MINDY2: variants seen among roughly 807,000 people sequenced by gnomAD.
MINDY2 encodes the protein MINDY lysine 48 deubiquitinase 2.
A neutral mutation model predicts 68.2 loss-of-function variants in MINDY2; 52 were observed. The ratio of observed to expected loss-of-function variants is 0.76; its 90% CI spans 0.61 to 0.96. The LOEUF is 0.96. MINDY2 is among the 40% of genes least tolerant of loss of function. The pLI is 0.00. For missense variants in MINDY2, 881 were observed against 773.4 expected (o/e 1.14, Z -1.65); for synonymous variants, 372 against 303.0 (o/e 1.23, Z -2.36).
rs368718141 is a variant in MINDY2 at position 58,818,171 on chromosome 15, AT to A, written c.1123-3542del. Among the ~76,000 whole-genome samples, 111 of 152,242 alleles carry A rather than the reference AT, an allele frequency of 7.3e-4. 1 individual carries two copies. The East Asian group carries it at 0.017, about 23-fold the overall frequency. ...TATAAGCTTTATGAAAGCATAAACC[AT>A]TTTGCTCACTGTTGTGTCTGTAGAT... On this transcript the variant is annotated intron_variant, in intron 4 of 8. Transcript: ENST00000559228.
intron 3 of MINDY2, among the ~76,000 whole-genome samples, chr15:58,809,649 C>T (rs2030082108): frequency 6.6e-6 from 1 of 152,036 alleles, no homozygotes; most frequent in Non-Finnish European, 1.5e-5. Flanking sequence ...AAAATAGGTC[C>T]TTCATTTCTA....
In MINDY2 at chr15:58,802,295, CTT is replaced by C. The variant is rs201818932; in HGVS notation, c.899-6_899-5del. 3.5e-3 allele frequency: 4,473 copies of C among 1,269,494 alleles called. No homozygotes were observed. The highest frequency in any genetic ancestry group is 5.8e-3 in the Admixed American group (235 of 40,194). The allele number at this position is 1,269,494 out of a possible 1,614,324, so 78.6% of individuals were successfully genotyped here. A position where few individuals can be genotyped will look rare whatever the true frequency, so the allele number is the denominator to read the frequency against. ...GTTTTTAAAAGGCAATTTTACAATT[CTT>C]TTTTTTTTTTTACAGGAGATTACAT... is the stretch of plus-strand genomic sequence containing the variant. On this transcript the variant is annotated splice_polypyrimidine_tract_variant and intron_variant, in intron 2 of 8. Transcript: ENST00000559228.
rs200346069 is a variant in MINDY2, at chr15:58,772,089, G to T, written c.694G>T (p.Ala232Ser). The change falls in exon 1 of 9, where the codon GCC becomes TCC. Residue 232 changes from alanine to serine, a missense_variant. By Grantham distance (99) the Ala-to-Ser change is moderately conservative. Coordinates refer to ENST00000559228, the MANE Select transcript of MINDY2 (RefSeq NM_001040450.3). Reference protein sequence around the residue: ...EGEETAQVLAASKERFPGQSV... With the variant: ...EGEETAQVLASSKERFPGQSV... ...GGAGGAGACCGCTCAGGTGCTGGCG[G>T]CCTCCAAGGAACGCTTCCCGGGACA... 22 of 1,613,594 alleles carry T rather than the reference G, an allele frequency of 1.4e-5. No individual in the cohort carries two copies. The highest frequency in any genetic ancestry group is 1.8e-5 in the Non-Finnish European group (21 of 1,179,690).
intron 4 of MINDY2, among the ~76,000 whole-genome samples, chr15:58,811,780 C>T (rs1163176185): frequency 6.6e-6 from 1 of 152,104 alleles, no homozygotes; most frequent in Non-Finnish European, 1.5e-5. Flanking sequence ...AGAGGTTAGT[C>T]TCCCGAATAG....
chr15:58,781,079 C>T (rs534801523), intron 1 of MINDY2, among the ~76,000 whole-genome samples: 1 of 151,920 alleles, frequency 6.6e-6, no homozygotes, highest in East Asian at 1.9e-4. Context: ...GACAGTGTTT[C>T]ATTCTTGTTG....
Position 58,831,894 on chromosome 15 carries a change from T to A in MINDY2, c.1346T>A (p.Phe449Tyr). Residue 449 changes from phenylalanine (F) to tyrosine (Y), a missense_variant, in exon 6 of 9, where the codon TTT becomes TAT. Phe to Tyr is a conservative substitution (Grantham distance 22, BLOSUM62 3). Coordinates refer to ENST00000559228, the MANE Select transcript of MINDY2 (RefSeq NM_001040450.3). The stretch of plus-strand genomic sequence containing the variant: ...TGTGTGTTCTTTCGGAATAATCATT[T>A]TAGCACCATGACCAAATACAAGGTA... The part of the protein sequence containing the change: ...ELCVFFRNNH[F>Y]STMTKYKGQL... The A allele has an allele frequency of 6.2e-7, 1 of 1,613,200 alleles. No homozygotes were observed. The highest frequency in any genetic ancestry group is 1.3e-5 in the African/African-American group (1 of 75,026).
At chr15:58,824,739 G>A (rs2031285114) in intron 5 of MINDY2, among the ~76,000 whole-genome samples, 1 of 148,056 alleles carries the variant, frequency 6.8e-6, no homozygotes, top group African/African-American at 2.5e-5. Flanking sequence ...GCACGATCTC[G>A]GCTCACTGTA....
intron 2 of MINDY2, among the ~76,000 whole-genome samples, chr15:58,788,970 C>G (rs534973746): frequency 6.6e-6 from 1 of 152,232 alleles, no homozygotes; most frequent in East Asian, 1.9e-4. Flanking sequence ...CAAGATCATG[C>G]CACTGCACTC....
chr15:58,842,256 G>A (rs1032909735), intron 6 of MINDY2, among the ~76,000 whole-genome samples: 1 of 151,872 alleles, frequency 6.6e-6, no homozygotes, highest in Non-Finnish European at 1.5e-5. Flanking sequence ...TGGTTGTTTT[G>A]TTGTTGTTAT....
At chr15:58,820,068 C>G (rs1445534652) in intron 4 of MINDY2, among the ~76,000 whole-genome samples, 1 of 152,090 alleles carries the variant, frequency 6.6e-6, no homozygotes, top group Non-Finnish European at 1.5e-5. Context: ...GAGTTCAAGA[C>G]CATCCTGGCC....
At chr15:58,818,069 A>G (rs2030819425) in intron 4 of MINDY2, among the ~76,000 whole-genome samples, 1 of 152,228 alleles carries the variant, frequency 6.6e-6, no homozygotes, top group Non-Finnish European at 1.5e-5. Flanking sequence ...GAAAACAAAC[A>G]TCTGCATACC....
intron 3 of MINDY2, among the ~76,000 whole-genome samples, chr15:58,806,334 G>A (rs190632395): frequency 6.6e-6 from 1 of 151,528 alleles, no homozygotes; most frequent in Admixed American, 6.6e-5. Flanking sequence ...TGGCATTACA[G>A]GCGTGAGTCA....
intron 2 of MINDY2, among the ~76,000 whole-genome samples, chr15:58,788,764 C>G (rs1901676795): frequency 6.6e-6 from 1 of 152,134 alleles, no homozygotes; most frequent in Admixed American, 6.6e-5. Flanking sequence ...AATCCCAGCA[C>G]TTTGGGAGGT....
At position 58,846,010 on chromosome 15, in the gene MINDY2, C is replaced by T. The variant is rs540385263; in HGVS notation, c.1369-1287C>T. Among the ~76,000 whole-genome samples the T allele has an allele frequency of 1.3e-4, 19 of 151,144 alleles. No homozygotes were observed. The South Asian group carries it at 3.8e-3, about 30-fold the overall frequency. On this transcript the variant is annotated intron_variant, in intron 6 of 8. Transcript: ENST00000559228. ...GCTAGAAATTAAAACAATTGAGCTC[C>T]TGGAGATAGAGAGTAGAATGATGGT...
At chr15:58,841,407 CT>C (rs143550992) in intron 6 of MINDY2, among the ~76,000 whole-genome samples, 240 of 136,686 alleles carry the variant, frequency 1.8e-3, no homozygotes, top group Admixed American at 1.8e-3. Flanking sequence ...CCTTTCTTTT[CT>C]TTTTTTTTTT....
chr15:58,828,675 C>G (rs576468838), intron 5 of MINDY2, among the ~76,000 whole-genome samples: 1 of 150,702 alleles, frequency 6.6e-6, no homozygotes, highest in African/African-American at 2.4e-5. Context: ...ATTCTCCTGC[C>G]TCAGCCTCCC....
At chr15:58,816,203 G>A (rs1409682968) in intron 4 of MINDY2, among the ~76,000 whole-genome samples, 1 of 152,126 alleles carries the variant, frequency 6.6e-6, no homozygotes, top group Non-Finnish European at 1.5e-5. Flanking sequence ...ATTGGTAAAA[G>A]CTGCTGGGAT....
At chr15:58,807,328 G>A (rs796935192) in intron 3 of MINDY2, among the ~76,000 whole-genome samples, 7 of 149,042 alleles carry the variant, frequency 4.7e-5, no homozygotes, top group Non-Finnish European at 4.4e-5. Flanking sequence ...GTGTTAACGT[G>A]CTTAGAAAAG....
chr15:58,851,798 C>T lies in MINDY2; in HGVS notation c.1570C>T (p.Gln524Ter), dbSNP rs867765688. The T allele has an allele frequency of 3.8e-6, 6 of 1,593,886 alleles. No individual in the cohort carries two copies. The highest frequency in any genetic ancestry group is 1.1e-5 in the South Asian group (1 of 87,316). ...TTATCTTATGGCATTATCTCTACAA[C>T]AAGAACAGCAGAGCCAAGAGATCAA... ...QDYLMALSLQQEQQSQEINWE... is the reference protein window; with the variant it reads ...QDYLMALSLQ The change falls in exon 8 of 9, where the codon CAA becomes TAA. Residue 524 changes from glutamine to a stop codon, truncating the protein, a stop_gained. Coordinates refer to ENST00000559228, the MANE Select transcript of MINDY2 (RefSeq NM_001040450.3). LOFTEE classifies it high-confidence loss of function.
Sources: gnomAD v4.1 joint callset for allele counts (sites outside exome capture counted in the v4.1 genomes callset) on GRCh38, gnomAD v4.1.1 for gene constraint, MANE v1.5 for transcripts, NCBI Gene and HGNC (gene_info 2026-07-23, HGNC 2026-07-21) for gene names.